Variants in TUBGCP3 observed in about 807,000 individuals in gnomAD.
TUBGCP3 encodes gamma-tubulin complex component 3.
Under a neutral mutation model 123.1 loss-of-function variants are expected in TUBGCP3, and 50 were observed. The observed-to-expected ratio is 0.41, with a 90% CI of 0.32 to 0.51. The LOEUF (loss-of-function observed/expected upper bound fraction) is 0.51. TUBGCP3 is among the 20% of genes least tolerant of loss of function. The pLI, the probability that TUBGCP3 is intolerant of heterozygous loss-of-function variation, is 0.36. For missense variants in TUBGCP3, 882 were observed against 1,127.0 expected, an observed-to-expected ratio of 0.78 and a Z score of 3.11; for synonymous variants, 405 against 413.9, an observed-to-expected ratio of 0.98 and a Z score of 0.26.
the TUBGCP3 span, among the ~76,000 whole-genome samples, chr13:112,601,009 G>A: frequency 1.3e-5 from 2 of 151,850 alleles, no homozygotes; most frequent in Non-Finnish European, 1.5e-5. Flanking sequence ...CCAACATGGC[G>A]AAACCCCGTC....
intron 1 of TUBGCP3, among the ~76,000 whole-genome samples, chr13:112,574,444 T>TC: frequency 6.6e-6 from 1 of 151,422 alleles, no homozygotes; most frequent in South Asian, 2.1e-4. Context: ...CAGTGTGACT[T>TC]CCCCTGCCCA....
intron 1 of TUBGCP3, among the ~76,000 whole-genome samples, chr13:112,582,539 C>A (rs9635138): frequency 0.29 from 44,262 of 152,040 alleles, 7,011 homozygotes; most frequent in African/African-American, 0.4. Context: ...GAGAGGGGAA[C>A]CCACAGGGAA....
intron 17 of TUBGCP3, among the ~76,000 whole-genome samples, chr13:112,507,959 T>C (rs1881414915): frequency 6.6e-6 from 1 of 152,200 alleles, no homozygotes; most frequent in Non-Finnish European, 1.5e-5. Flanking sequence ...AAAATGCTAC[T>C]GAATGGCCAC....
intron 17 of TUBGCP3, among the ~76,000 whole-genome samples, chr13:112,507,404 T>C (rs1594119540): frequency 6.6e-6 from 1 of 152,184 alleles, no homozygotes; most frequent in African/African-American, 2.4e-5. Context: ...TCAGAGAAGG[T>C]TGAAGCTGAA....
At chr13:112,574,285 T>A (rs1488086260) in intron 1 of TUBGCP3, among the ~76,000 whole-genome samples, 1 of 134,858 alleles carries the variant, frequency 7.4e-6, no homozygotes, top group African/African-American at 2.9e-5. Context: ...CCCTGCCCAA[T>A]CCACAGAGAA....
At chr13:112,517,417 T>C (rs1406788112) in intron 16 of TUBGCP3, among the ~76,000 whole-genome samples, 3 of 152,342 alleles carry the variant, frequency 2.0e-5, no homozygotes, top group East Asian at 1.9e-4. Flanking sequence ...AGATCTGTAA[T>C]ACTACGAAAT....
chr13:112,503,109 G>A (rs1881041510), intron 19 of TUBGCP3, among the ~76,000 whole-genome samples: 1 of 152,158 alleles, frequency 6.6e-6, no homozygotes. Context: ...CCCAGCTGGA[G>A]GCAGCCCCTG....
Position 112,548,177 on chromosome 13 carries a change from CTGTT to C in TUBGCP3, c.967-5_967-2del. On this transcript the variant is annotated splice_acceptor_variant and splice_polypyrimidine_tract_variant and intron_variant, in intron 8 of 21. Transcript: ENST00000261965. LOFTEE classifies it high-confidence loss of function. ...CCTGGTGCAAGGCAGCACAAAAGCT[CTGTT>C]TGGAGGAGAAATATAATTAAAGCAC... 6.2e-7 allele frequency: 1 copy of C among 1,600,334 alleles called. No individual in the cohort carries two copies. Among genetic ancestry groups the C allele is most frequent in the Non-Finnish European group, 8.5e-7 (1 of 1,171,810 alleles).
intron 20 of TUBGCP3, among the ~76,000 whole-genome samples, chr13:112,490,545 G>A (rs1242929506): frequency 2.6e-5 from 4 of 152,158 alleles, no homozygotes; most frequent in South Asian, 2.1e-4. Flanking sequence ...GGGAGCCACC[G>A]CTCCTGGCCA....
the TUBGCP3 span, among the ~76,000 whole-genome samples, chr13:112,601,020 T>A: frequency 1.3e-5 from 2 of 151,930 alleles, no homozygotes; most frequent in South Asian, 4.2e-4. Flanking sequence ...AAACCCCGTC[T>A]CTACTCAAAA....
chr13:112,541,347 G>C (rs1878501719), intron 11 of TUBGCP3, among the ~76,000 whole-genome samples: 1 of 152,008 alleles, frequency 6.6e-6, no homozygotes, highest in African/African-American at 2.4e-5. Flanking sequence ...TTCAAGACCA[G>C]CCTGGCCAAC....
intron 1 of TUBGCP3, among the ~76,000 whole-genome samples, chr13:112,585,431 A>C (rs1229555102): frequency 6.6e-6 from 1 of 152,198 alleles, no homozygotes; most frequent in Non-Finnish European, 1.5e-5. Context: ...ACATAGCAAA[A>C]AGAGCATCAC....
At chr13:112,586,036 G>A (rs915900423) in intron 1 of TUBGCP3, among the ~76,000 whole-genome samples, 1 of 151,880 alleles carries the variant, frequency 6.6e-6, no homozygotes, top group African/African-American at 2.4e-5. Flanking sequence ...TCAGGAGATC[G>A]AAACCATCCT....
chr13:112,496,757 C>A (rs571995793), intron 20 of TUBGCP3, among the ~76,000 whole-genome samples: 4 of 152,108 alleles, frequency 2.6e-5, no homozygotes, highest in Non-Finnish European at 5.9e-5. Flanking sequence ...GAGGCCGAGG[C>A]GGGCGGATCA....
At chr13:112,585,945 A>T (rs73570405) in intron 1 of TUBGCP3, among the ~76,000 whole-genome samples, 2,983 of 152,010 alleles carry the variant, frequency 0.02, 105 homozygotes, top group African/African-American at 0.068. Context: ...AATGTAAAAA[A>T]AAAAAAGTTT....
At chr13:112,497,146 A>T (rs571855641) in intron 20 of TUBGCP3, among the ~76,000 whole-genome samples, 1 of 152,322 alleles carries the variant, frequency 6.6e-6, no homozygotes, top group Non-Finnish European at 1.5e-5. Flanking sequence ...ATCATCACAC[A>T]TAGATAAGTG....
intron 3 of TUBGCP3, among the ~76,000 whole-genome samples, chr13:112,561,566 A>G (rs1192732980): frequency 6.6e-6 from 1 of 152,198 alleles, no homozygotes. Context: ...GGCAAGATCA[A>G]TGGTGCTGTC....
chr13:112,494,629 C>T (rs969761080), intron 20 of TUBGCP3, among the ~76,000 whole-genome samples: 1 of 152,204 alleles, frequency 6.6e-6, no homozygotes, highest in Non-Finnish European at 1.5e-5. Context: ...TAAGGACATA[C>T]ATGTACTCGA....
At chr13:112,538,573 C>T (rs1247369370) in intron 11 of TUBGCP3, among the ~76,000 whole-genome samples, 1 of 152,144 alleles carries the variant, frequency 6.6e-6, no homozygotes, top group Admixed American at 6.6e-5. Context: ...TGCTGTAGTG[C>T]CCCACTAGTG....
Sources: gnomAD v4.1 joint callset for allele counts (sites outside exome capture counted in the v4.1 genomes callset) on GRCh38, gnomAD v4.1.1 for gene constraint, MANE v1.5 for transcripts, NCBI Gene and HGNC (gene_info 2026-07-23, HGNC 2026-07-21) for gene names.